MROH1: variants seen among roughly 807,000 people sequenced by gnomAD.
The protein encoded by MROH1 is maestro heat like repeat family member 1, also known as maestro heat-like repeat-containing protein family member 1.
Under a neutral mutation model 116.5 loss-of-function variants are expected in MROH1, and 117 were observed. The ratio of observed to expected loss-of-function variants is 1.00; its 90% CI spans 0.86 to 1.17. MROH1 has a LOEUF of 1.17. Among genes scored for constraint, MROH1 ranks in the 50% most tolerant of loss-of-function variants. MROH1 has a pLI of 0.00. For missense variants in MROH1, 1,873 were observed against 1,338.5 expected, an observed-to-expected ratio of 1.40 and a Z score of -6.23; for synonymous variants, 921 against 583.9, an observed-to-expected ratio of 1.58 and a Z score of -8.32.
Position 144,261,885 on chromosome 8 carries a change from C to T in MROH1, c.*145C>T, listed in dbSNP as rs1432119626. ...GGCACTGCTGGGGACCAAACCCAAG[C>T]CCTTCAGTGAGGGATGTGCCCAATA... On this transcript the variant is annotated 3_prime_UTR_variant, in exon 44 of 44. Transcript: ENST00000326134. The T allele has an allele frequency of 4.5e-6, 3 of 672,964 alleles. No homozygotes were observed. The highest frequency in any genetic ancestry group is 8.1e-6 in the Non-Finnish European group (3 of 372,076). The allele number at this position is 672,964 out of a possible 1,614,324, so 41.7% of individuals were successfully genotyped here. A position where few individuals can be genotyped will look rare whatever the true frequency, so the allele number is the denominator to read the frequency against.
intron 13 of MROH1, among the ~76,000 whole-genome samples, chr8:144,220,971 G>A (rs1196536586): frequency 6.6e-6 from 1 of 152,316 alleles, no homozygotes; most frequent in African/African-American, 2.4e-5. Context: ...TCACAGTGCT[G>A]CTCTGCTCGC....
At chr8:144,234,142 T>C (rs1299895419) in intron 14 of MROH1, among the ~76,000 whole-genome samples, 1 of 152,124 alleles carries the variant, frequency 6.6e-6, no homozygotes, top group Non-Finnish European at 1.5e-5. Context: ...CCCGAGCAGC[T>C]GGGACTACAG....
In MROH1 at chr8:144,247,481, T is replaced by A. The variant is rs1438055101; in HGVS notation, c.3007+45T>A. ...GTGGGGGCCAGTGGTCGTGCAGGGG[T>A]GCTTGGAGGGATGAGGTGCGGAGTC... On this transcript the variant is annotated intron_variant, in intron 30 of 43. Coordinates refer to ENST00000326134, the MANE Select transcript of MROH1 (RefSeq NM_032450.3). 17 of 764,406 alleles carry A rather than the reference T, an allele frequency of 2.2e-5. No individual in the cohort carries two copies. The African/African-American group carries it at 2.7e-4, about 12-fold the overall frequency. 47.4% of individuals were successfully genotyped at this position (764,406 alleles called of 1,614,324 possible).
In MROH1 at chr8:144,160,163, C is replaced by T. The variant is rs558274554; in HGVS notation, c.-176-807C>T. Among the ~76,000 whole-genome samples, 6 of 152,306 alleles carry T rather than the reference C, an allele frequency of 3.9e-5. No individual in the cohort carries two copies. In the South Asian group the frequency reaches 1.0e-3, roughly 26 times the overall value. On this transcript the variant is annotated intron_variant, in intron 1 of 43. Transcript: ENST00000326134. The stretch of plus-strand genomic sequence containing the variant: ...TCTGTTAGTATTCATGAGCTTTGTG[C>T]TGGGAGCTGGCTAAGTTACTAGGGA...
chr8:144,255,545 G>A lies in MROH1; in HGVS notation c.3631G>A (p.Ala1211Thr), dbSNP rs1843584187. 3.8e-6 allele frequency: 3 copies of A among 779,330 alleles called. No individual in the cohort carries two copies. Among genetic ancestry groups the A allele is most frequent in the South Asian group, 2.7e-5 (2 of 74,576 alleles). 48.3% of individuals were successfully genotyped at this position (779,330 alleles called of 1,614,324 possible). Residue 1211 changes from alanine (A) to threonine (T), a missense_variant, in exon 35 of 44, where the codon GCA (alanine) becomes ACA (threonine). Ala to Thr is a moderately conservative substitution (Grantham distance 58). Coordinates refer to ENST00000326134, the MANE Select transcript of MROH1 (RefSeq NM_032450.3). The part of the protein sequence containing the change: ...CALFEVMSTP[A>T]AGPAVLELYP... ...ACTGTTTGAGGTCATGTCCACGCCTGCAGCGGGGCCCGCGGTGCTCGAGCT... is the reference window on the plus strand; with the variant it reads ...ACTGTTTGAGGTCATGTCCACGCCTACAGCGGGGCCCGCGGTGCTCGAGCT...
intron 18 of MROH1, 95 bp downstream of exon 18, chr8:144,239,850 G>T: frequency 8.6e-6 from 6 of 694,864 alleles, no homozygotes; most frequent in Non-Finnish European, 1.6e-5. Flanking sequence ...TTGCCAAGTG[G>T]CACTAGGGTG....
rs1178536558 is a variant in MROH1, at chr8:144,218,709, C to CCCCTCTCCCCTT, written c.1142-1890_1142-1889insCCTCTCCCCTTC. On this transcript the variant is annotated intron_variant, in intron 12 of 43. Transcript: ENST00000326134. ...TCCCCTCTCTCCTCCCCTCTCCCCT[C>CCCCTCTCCCCTT]CTGTCCCCCCTCCCCTCCCCTCTTC... Among the ~76,000 whole-genome samples the CCCCTCTCCCCTT allele has an allele frequency of 2.7e-4, 17 of 62,534 alleles. 2 individuals are homozygous for CCCCTCTCCCCTT. Among genetic ancestry groups the CCCCTCTCCCCTT allele is most frequent in the Non-Finnish European group, 4.6e-4 (14 of 30,644 alleles). The allele number at this position is 62,534 out of a possible 152,430, so 41.0% of individuals were successfully genotyped here.
At chr8:144,193,907 C>G (rs974255938) in intron 10 of MROH1, among the ~76,000 whole-genome samples, 3 of 152,046 alleles carry the variant, frequency 2.0e-5, no homozygotes, top group African/African-American at 7.3e-5. Flanking sequence ...CGGAGCCCAG[C>G]CAAGACCGTG....
chr8:144,243,525 G>A lies in MROH1; in HGVS notation c.2384G>A (p.Ser795Asn), dbSNP rs1841376011. Residue 795 changes from serine (S) to asparagine (N), a missense_variant, in exon 25 of 44, where the codon AGT becomes AAT. Coordinates refer to ENST00000326134, the MANE Select transcript of MROH1 (RefSeq NM_032450.3). ...GCCCTGAAGCTGTGCCTTGTCCAGA[G>A]TGTGTGCATGGTCAGCCGCGCCATC... ...DPALKLCLVQ[S>N]VCMVSRAICS... is the part of the protein sequence containing the mutation. The A allele has an allele frequency of 1.3e-6, 1 of 780,170 alleles. No individual in the cohort carries two copies. Among genetic ancestry groups the A allele is most frequent in the South Asian group, 1.3e-5 (1 of 74,616 alleles). 48.3% of individuals were successfully genotyped at this position (780,170 alleles called of 1,614,324 possible). A position where few individuals can be genotyped will look rare whatever the true frequency, so the allele number is the denominator to read the frequency against.
At chr8:144,152,553 TTA>T (rs1177391561) in intron 1 of MROH1, among the ~76,000 whole-genome samples, 5 of 143,022 alleles carry the variant, frequency 3.5e-5, no homozygotes, top group African/African-American at 1.5e-4. Context: ...ATTATTATTA[TTA>T]TTTTTTTTTT....
intron 12 of MROH1, chr8:144,213,098 G>A: frequency 1.3e-6 from 1 of 776,584 alleles, no homozygotes; most frequent in South Asian, 1.3e-5. Flanking sequence ...TGATCTAACG[G>A]CCGCGCCCGC....
At chr8:144,156,251 A>G (rs1421754388) in intron 1 of MROH1, among the ~76,000 whole-genome samples, 1 of 151,166 alleles carries the variant, frequency 6.6e-6, no homozygotes, top group Non-Finnish European at 1.5e-5. Flanking sequence ...GAAAAAAAAA[A>G]AAAAAAAAAA....
chr8:144,149,092 A>G (rs936328961), intron 1 of MROH1, among the ~76,000 whole-genome samples: 1 of 152,092 alleles, frequency 6.6e-6, no homozygotes, highest in Non-Finnish European at 1.5e-5. Context: ...TGCGATGACC[A>G]TGGATGGAGA....
intron 1 of MROH1, among the ~76,000 whole-genome samples, chr8:144,151,463 G>T (rs1176932583): frequency 6.6e-6 from 1 of 152,140 alleles, no homozygotes; most frequent in East Asian, 1.9e-4. Flanking sequence ...GCAGTCGGAG[G>T]AGAGCTGGGG....
intron 35 of MROH1, among the ~76,000 whole-genome samples, chr8:144,257,168 C>T (rs1008883309): frequency 5.5e-4 from 84 of 152,350 alleles, no homozygotes; most frequent in African/African-American, 1.7e-3. Context: ...GCTGGAAGCC[C>T]CCTTGGCACC....
intron 14 of MROH1, among the ~76,000 whole-genome samples, chr8:144,232,842 T>A (rs953936149): frequency 3.5e-5 from 5 of 142,386 alleles, no homozygotes; most frequent in Admixed American, 7.2e-5. Flanking sequence ...TTATTTATTT[T>A]ATGAGACAGG....
In MROH1 at chr8:144,247,613, C is replaced by T; in HGVS notation, c.3054C>T (p.Ser1018=). 1 of 771,206 alleles carries T rather than the reference C, an allele frequency of 1.3e-6. No individual in the cohort carries two copies. 47.8% of individuals were successfully genotyped at this position (771,206 alleles called of 1,614,324 possible). A position where few individuals can be genotyped will look rare whatever the true frequency, so the allele number is the denominator to read the frequency against. ...YRDDVAERLL[S]LKDGLVHPDP... ...ATGACGTGGCGGAGCGGCTCCTCAG[C>T]CTCAAGGACGGCCTCGTGCACCCTG... Residue 1018 remains serine (S), a synonymous_variant, in exon 31 of 44, where the codon AGC becomes AGT. Transcript: ENST00000326134.
chr8:144,162,329 C>T (rs941315771), intron 2 of MROH1, among the ~76,000 whole-genome samples: 10 of 151,702 alleles, frequency 6.6e-5, no homozygotes, highest in South Asian at 4.1e-4. Flanking sequence ...TCAGATGATC[C>T]GCCCGCCTCA....
At chr8:144,218,666 C>T (rs137886110) in intron 12 of MROH1, among the ~76,000 whole-genome samples, 1 of 107,774 alleles carries the variant, frequency 9.3e-6, no homozygotes, top group Non-Finnish European at 2.0e-5. Flanking sequence ...CTCCTCTCCC[C>T]TCCCGTCCCC....
Sources: allele counts gnomAD v4.1 joint callset (sites outside exome capture counted in the v4.1 genomes callset), GRCh38; gene constraint gnomAD v4.1.1; transcripts MANE v1.5; gene names NCBI Gene and HGNC (gene_info 2026-07-23, HGNC 2026-07-21).